ACSM1: variants seen among roughly 807,000 people sequenced by gnomAD.
ACSM1 encodes acyl-CoA synthetase medium chain family member 1.
ACSM1 carries 79 observed loss-of-function variants against 75.8 expected under a neutral mutation model. The observed-to-expected ratio is 1.04, with a 90% CI of 0.87 to 1.26. The LOEUF (loss-of-function observed/expected upper bound fraction) is 1.26. Ranked by LOEUF, ACSM1 falls within the 50% of genes most tolerant of loss-of-function variation. The probability of loss-of-function intolerance (pLI) is 0.00; values close to 1 mark genes in which losing one functional copy is unlikely to be tolerated. For missense variants in ACSM1, 676 were observed against 720.1 expected (o/e 0.94, Z 0.70); for synonymous variants, 279 against 265.8 (o/e 1.05, Z -0.48).
chr16:20,672,221 T>A (rs1458491657), intron 4 of ACSM1, among the ~76,000 whole-genome samples: 3 of 151,086 alleles, frequency 2.0e-5, no homozygotes, highest in Non-Finnish European at 4.4e-5. Flanking sequence ...GCTTGTTTTT[T>A]AAAATTAAAC....
chr16:20,627,879 T>TACATATAC (rs2017071725), intron 10 of ACSM1, among the ~76,000 whole-genome samples: 1 of 12,268 alleles, frequency 8.2e-5, no homozygotes, highest in East Asian at 1.3e-3. Flanking sequence ...CATATATATA[T>TACATATAC]ATATATATAT....
At chr16:20,675,475 C>G (rs1047368210) in intron 4 of ACSM1, among the ~76,000 whole-genome samples, 1 of 152,090 alleles carries the variant, frequency 6.6e-6, no homozygotes, top group Non-Finnish European at 1.5e-5. Context: ...GTCTGAAACT[C>G]CTGTAATAGG....
At chr16:20,689,246 A>G (rs1279785908) in intron 2 of ACSM1, among the ~76,000 whole-genome samples, 1 of 151,980 alleles carries the variant, frequency 6.6e-6, no homozygotes, top group East Asian at 1.9e-4. Flanking sequence ...AGATTGCTAG[A>G]ACTACAAGAT....
At chr16:20,672,285 T>TA (rs1324295574) in intron 4 of ACSM1, among the ~76,000 whole-genome samples, 3 of 146,596 alleles carry the variant, frequency 2.0e-5, no homozygotes, top group African/African-American at 7.6e-5. Context: ...AGGGGGAGAG[T>TA]AAAAAAAATA....
At chr16:20,647,380 C>T (rs2018424849) in intron 7 of ACSM1, among the ~76,000 whole-genome samples, 2 of 152,196 alleles carry the variant, frequency 1.3e-5, no homozygotes, top group Admixed American at 1.3e-4. Context: ...CGTCCTGACT[C>T]AGCTCTTTTC....
At chr16:20,694,109 C>T (rs1228277733) in intron 1 of ACSM1, among the ~76,000 whole-genome samples, 1 of 152,238 alleles carries the variant, frequency 6.6e-6, no homozygotes, top group Non-Finnish European at 1.5e-5. Flanking sequence ...GTGTTTTAAT[C>T]TTTCTCAGCA....
rs542727228 is a variant in ACSM1, at chr16:20,641,595, T to C, written c.993-1011A>G. Among the ~76,000 whole-genome samples the C allele has an allele frequency of 2.6e-5, 4 of 152,366 alleles. No individual in the cohort carries two copies. The South Asian group carries it at 6.2e-4, about 24-fold the overall frequency. Reference sequence around the variant, plus strand: ...CTCCTCATTCTCACCACCTGTTTCTTTGTTGGATTACCAATAAATAGCATG... The same window carrying C: ...CTCCTCATTCTCACCACCTGTTTCTCTGTTGGATTACCAATAAATAGCATG... On this transcript the variant is annotated intron_variant, in intron 7 of 13. Coordinates refer to ENST00000520010, the MANE Select transcript of ACSM1 (RefSeq NM_001318890.3).
Position 20,623,453 on chromosome 16 carries a change from T to C in ACSM1, c.*33A>G, listed in dbSNP as rs3087812. The C allele has an allele frequency of 0.22, 359,125 of 1,599,344 alleles. 46,896 individuals are homozygous for C. The highest frequency in any genetic ancestry group is 0.51 in the African/African-American group (37,990 of 74,604). On this transcript the variant is annotated 3_prime_UTR_variant, in exon 14 of 14. Coordinates refer to ENST00000520010, the MANE Select transcript of ACSM1 (RefSeq NM_001318890.3). Reference sequence around the variant, plus strand: ...GACTAAAGTGGCCAGGGATTTGCCTTAGGTGTGCAGTGCGTTCTGAGTTCA... The same window carrying C: ...GACTAAAGTGGCCAGGGATTTGCCTCAGGTGTGCAGTGCGTTCTGAGTTCA...
At chr16:20,675,929 A>C (rs1257285255) in intron 4 of ACSM1, among the ~76,000 whole-genome samples, 3 of 152,230 alleles carry the variant, frequency 2.0e-5, no homozygotes, top group African/African-American at 7.2e-5. Flanking sequence ...GTGAAAGCCA[A>C]AAGTAAAAGT....
Position 20,623,319 on chromosome 16 carries a change from G to A in ACSM1, c.*167C>T, listed in dbSNP as rs1367641550. 2 of 612,176 alleles carry A rather than the reference G, an allele frequency of 3.3e-6. No individual in the cohort carries two copies. The highest frequency in any genetic ancestry group is 1.9e-5 in the African/African-American group (1 of 53,896). The allele number at this position is 612,176 out of a possible 1,614,324, so 37.9% of individuals were successfully genotyped here. A position where few individuals can be genotyped will look rare whatever the true frequency, so the allele number is the denominator to read the frequency against. ...ATACAGAGGACTTGGAGGAAGCAGA[G>A]CAACTGAATTTAATTTAAAAGAAGG... On this transcript the variant is annotated 3_prime_UTR_variant, in exon 14 of 14. Coordinates refer to ENST00000520010, the MANE Select transcript of ACSM1 (RefSeq NM_001318890.3).
Position 20,640,527 on chromosome 16 carries a change from C to G in ACSM1, c.1050G>C (p.Lys350Asn), listed in dbSNP as rs753317504. Reference protein sequence around the residue: ...CYTGGEVVLPKDQEEWKRRTG... With the variant: ...CYTGGEVVLPNDQEEWKRRTG... Reference sequence around the variant, plus strand: ...TCCGTCTTTTCCACTCCTCCTGATCCTTGGGCAACACGACCTCCCCGCCAG... The same window carrying G: ...TCCGTCTTTTCCACTCCTCCTGATCGTTGGGCAACACGACCTCCCCGCCAG... The change falls in exon 8 of 14, where the codon AAG becomes AAC. Residue 350 changes from lysine (K) to asparagine (N), a missense_variant. By Grantham distance (94) the Lys-to-Asn change is moderately conservative. Coordinates refer to ENST00000520010, the MANE Select transcript of ACSM1 (RefSeq NM_001318890.3). The G allele has an allele frequency of 2.5e-6, 4 of 1,614,176 alleles. No homozygotes were observed. The Admixed American group carries it at 6.7e-5, about 27-fold the overall frequency.
chr16:20,685,819 C>CA (rs71842093), intron 2 of ACSM1, among the ~76,000 whole-genome samples: 673 of 49,904 alleles, frequency 0.013, 90 homozygotes, highest in African/African-American at 0.039. Context: ...GACTCCGTCT[C>CA]AAAAAAAAAA....
chr16:20,677,291 C>T (rs940632444), intron 4 of ACSM1, among the ~76,000 whole-genome samples: 3 of 151,440 alleles, frequency 2.0e-5, no homozygotes, highest in African/African-American at 7.3e-5. Flanking sequence ...ACTAACTAAG[C>T]TTATCTTCTT....
At chr16:20,624,035 A>C in intron 13 of ACSM1, 61 bp downstream of exon 13, 1 of 1,595,352 alleles carries the variant, frequency 6.3e-7, no homozygotes, top group East Asian at 2.3e-5. Flanking sequence ...AGTGATACCT[A>C]GCCCGTCCTA....
intron 6 of ACSM1, among the ~76,000 whole-genome samples, chr16:20,665,945 T>A (rs992152452): frequency 6.6e-6 from 1 of 152,130 alleles, no homozygotes; most frequent in Non-Finnish European, 1.5e-5. Flanking sequence ...CTCTTCATGA[T>A]AAAGCCCCTC....
rs73530559 is a variant in ACSM1, at chr16:20,640,284, A to C, written c.1116+177T>G. Among the ~76,000 whole-genome samples, 275 of 152,312 alleles carry C rather than the reference A, an allele frequency of 1.8e-3. 1 individual carries two copies. The highest frequency in any genetic ancestry group is 6.2e-3 in the African/African-American group (257 of 41,568). On this transcript the variant is annotated intron_variant, in intron 8 of 13. Coordinates refer to ENST00000520010, the MANE Select transcript of ACSM1 (RefSeq NM_001318890.3). ...CCTCGTAACTACCCCACCTTTAGAA[A>C]ATTTCTTCCTTTTTCCCCAATATCT... is the stretch of plus-strand genomic sequence containing the variant.
intron 4 of ACSM1, among the ~76,000 whole-genome samples, chr16:20,672,679 T>C (rs2020017247): frequency 7.9e-6 from 1 of 125,916 alleles, no homozygotes; most frequent in Admixed American, 8.5e-5. Flanking sequence ...GTATATATTG[T>C]ATATAATTTA....
At chr16:20,652,549 T>G (rs2018702520) in intron 7 of ACSM1, among the ~76,000 whole-genome samples, 1 of 151,774 alleles carries the variant, frequency 6.6e-6, no homozygotes, top group Non-Finnish European at 1.5e-5. Flanking sequence ...AGAGGGATAT[T>G]TAAAAAAATG....
intron 12 of ACSM1, 103 bp downstream of exon 12, chr16:20,625,320 A>C: frequency 9.0e-7 from 1 of 1,116,426 alleles, no homozygotes; most frequent in Non-Finnish European, 1.3e-6. Flanking sequence ...CATGCACACT[A>C]TGCCCTTCCA....
Sources: allele counts gnomAD v4.1 joint callset (sites outside exome capture counted in the v4.1 genomes callset), GRCh38; gene constraint gnomAD v4.1.1; transcripts MANE v1.5; gene names NCBI Gene and HGNC (gene_info 2026-07-23, HGNC 2026-07-21).